PRELID2: variants seen among roughly 807,000 people sequenced by gnomAD.
PRELID2 encodes the protein PRELI domain-containing protein 2.
In PRELID2, 25 loss-of-function variants were observed where a neutral mutation model predicts 28.4. The observed-to-expected ratio is 0.88, with a 90% CI of 0.64 to 1.23. The LOEUF is 1.23. Among genes scored for constraint, PRELID2 ranks in the 50% most tolerant of loss-of-function variants. The pLI is 0.00. For missense variants in PRELID2, 201 were observed against 214.4 expected, an observed-to-expected ratio of 0.94 and a Z score of 0.39; for synonymous variants, 76 against 71.6, an observed-to-expected ratio of 1.06 and a Z score of -0.31.
At chr5:145,825,225 CAAAAAAAAAAAAAAAAAAAAA>C (rs56818178) in intron 1 of PRELID2, among the ~76,000 whole-genome samples, 2 of 60,402 alleles carry the variant, frequency 3.3e-5, no homozygotes, top group East Asian at 6.7e-4. Flanking sequence ...GACTCTGTCT[CAAAAAAAAAAAAAAAAAAAAA>C]AAAAAAAAAA....
intron 1 of PRELID2, among the ~76,000 whole-genome samples, chr5:145,625,021 A>G (rs1397081522): frequency 6.6e-6 from 1 of 152,198 alleles, no homozygotes; most frequent in Non-Finnish European, 1.5e-5. Flanking sequence ...ATACAAAGAT[A>G]CCATTTTATA....
intron 1 of PRELID2, among the ~76,000 whole-genome samples, chr5:145,530,533 G>C (rs1752646789): frequency 6.6e-6 from 1 of 152,014 alleles, no homozygotes; most frequent in Admixed American, 6.6e-5. Context: ...GGACGATGAT[G>C]AGTAAGGAGA....
intron 1 of PRELID2, among the ~76,000 whole-genome samples, chr5:145,509,539 C>T (rs1752442827): frequency 6.6e-6 from 1 of 152,178 alleles, no homozygotes; most frequent in Admixed American, 6.5e-5. Flanking sequence ...AGGGCAAGGG[C>T]CACCCTGCCT....
intron 1 of PRELID2, among the ~76,000 whole-genome samples, chr5:145,536,500 C>G (rs1244856632): frequency 6.6e-6 from 1 of 151,866 alleles, no homozygotes; most frequent in East Asian, 1.9e-4. Flanking sequence ...GGGTAAAAGT[C>G]TGTATTTCTC....
chr5:145,376,985 T>C, the PRELID2 span, among the ~76,000 whole-genome samples: 2 of 152,148 alleles, frequency 1.3e-5, no homozygotes, highest in African/African-American at 4.8e-5. Context: ...TATTAGGTTG[T>C]TAATGTGAGA....
chr5:145,260,039 G>A, the PRELID2 span, among the ~76,000 whole-genome samples: 67 of 152,206 alleles, frequency 4.4e-4, no homozygotes, highest in African/African-American at 1.1e-3. Context: ...AGATCTGGTC[G>A]TTTAAAAGTG....
At chr5:145,476,422 A>C (rs543267759) in intron 1 of PRELID2, among the ~76,000 whole-genome samples, 2 of 152,322 alleles carry the variant, frequency 1.3e-5, no homozygotes, top group South Asian at 4.1e-4. Context: ...AGGCTGGTGG[A>C]TCACCTAAGT....
At chr5:145,368,117 C>T in the PRELID2 span, among the ~76,000 whole-genome samples, 1 of 151,842 alleles carries the variant, frequency 6.6e-6, no homozygotes, top group Non-Finnish European at 1.5e-5. Context: ...TATTTATTGC[C>T]TGTCTTCCCC....
At chr5:145,258,110 C>T in the PRELID2 span, among the ~76,000 whole-genome samples, 2 of 152,170 alleles carry the variant, frequency 1.3e-5, no homozygotes, top group African/African-American at 2.4e-5. Context: ...GAAGCAGATG[C>T]TGCTATGCTT....
At chr5:145,391,456 G>T in the PRELID2 span, among the ~76,000 whole-genome samples, 1 of 152,282 alleles carries the variant, frequency 6.6e-6, no homozygotes, top group South Asian at 2.1e-4. Flanking sequence ...AGAGGCCCGT[G>T]GCCTGGCCAC....
the PRELID2 span, among the ~76,000 whole-genome samples, chr5:145,262,495 A>G: frequency 6.6e-6 from 1 of 152,178 alleles, no homozygotes; most frequent in Admixed American, 6.6e-5. Context: ...ATTTCTTAGC[A>G]GAAACCCTAC....
the PRELID2 span, among the ~76,000 whole-genome samples, chr5:145,390,870 T>C: frequency 1.2e-4 from 19 of 152,190 alleles, no homozygotes; most frequent in Non-Finnish European, 2.2e-4. Context: ...CCATTCCAAA[T>C]GAGAGAAATT....
the PRELID2 span, among the ~76,000 whole-genome samples, chr5:145,315,592 C>A: frequency 7.8e-6 from 1 of 128,778 alleles, no homozygotes; most frequent in South Asian, 2.4e-4. Context: ...GTGTGTGTAG[C>A]AATCATGCCA....
At chr5:145,383,792 A>G in the PRELID2 span, among the ~76,000 whole-genome samples, 1 of 151,964 alleles carries the variant, frequency 6.6e-6, no homozygotes, top group Non-Finnish European at 1.5e-5. Context: ...CTTAAAGAGA[A>G]GACCCAAAGA....
At chr5:145,817,220 A>ATATATATAT (rs1265574987) in intron 4 of PRELID2, among the ~76,000 whole-genome samples, 4 of 66,510 alleles carry the variant, frequency 6.0e-5, no homozygotes, top group African/African-American at 1.6e-4. Context: ...AATAAAAAAA[A>ATATATATAT]ATATATATAT....
the PRELID2 span, among the ~76,000 whole-genome samples, chr5:145,281,074 C>T: frequency 6.6e-6 from 1 of 152,206 alleles, no homozygotes; most frequent in East Asian, 1.9e-4. Context: ...TTCTCAGGCT[C>T]TCTCCAAGAA....
rs1235655013 is a variant in PRELID2 at position 145,758,451 on chromosome 5, C to A, written c.*2085G>T. Among the ~76,000 whole-genome samples the A allele has an allele frequency of 6.6e-6, 1 of 152,116 alleles. No homozygotes were observed. The highest frequency in any genetic ancestry group is 2.4e-5 in the African/African-American group (1 of 41,410). On this transcript the variant is annotated 3_prime_UTR_variant, in exon 7 of 7. Transcript: ENST00000683046. ...AAGGAGTTTTTTTTAAAGCTGATGCCTTGGTTCCACTACCTGAGATTCTGA... is the reference window on the plus strand; with the variant it reads ...AAGGAGTTTTTTTTAAAGCTGATGCATTGGTTCCACTACCTGAGATTCTGA...
chr5:145,743,551 G>A (rs958564005), intron 1 of PRELID2, among the ~76,000 whole-genome samples: 6 of 152,002 alleles, frequency 3.9e-5, no homozygotes, highest in Non-Finnish European at 8.8e-5. Flanking sequence ...TGGAGAGCAA[G>A]GAAGAGCAGG....
chr5:145,352,815 G>T, the PRELID2 span, among the ~76,000 whole-genome samples: 1 of 152,118 alleles, frequency 6.6e-6, no homozygotes, highest in Non-Finnish European at 1.5e-5. Flanking sequence ...TAGTTCCACA[G>T]ATCTCTAGTG....
Sources: allele counts gnomAD v4.1 joint callset (sites outside exome capture counted in the v4.1 genomes callset), GRCh38; gene constraint gnomAD v4.1.1; transcripts MANE v1.5; gene names NCBI Gene and HGNC (gene_info 2026-07-23, HGNC 2026-07-21).